The following UGT1A9 variants were observed in gnomAD, a reference collection of about 807,000 sequenced individuals.
UGT1A9 encodes UDP glucuronosyltransferase family 1 member A9.
In UGT1A9, 35 loss-of-function variants were observed where a neutral mutation model predicts 45.0. That is an observed-to-expected ratio of 0.78 (90% CI 0.59 to 1.03). UGT1A9 has a LOEUF of 1.03. UGT1A9 is among the 50% of genes least tolerant of loss of function. The probability of loss-of-function intolerance (pLI) is 0.00; values close to 1 mark genes in which losing one functional copy is unlikely to be tolerated. For synonymous variants in UGT1A9, 278 were observed against 250.6 expected, an observed-to-expected ratio of 1.11 and a Z score of -1.03; for missense variants, 687 against 666.6, an observed-to-expected ratio of 1.03 and a Z score of -0.34.
chr2:233,771,986 A>T (rs897905900), intron 4 of UGT1A9, among the ~76,000 whole-genome samples: 3 of 152,212 alleles, frequency 2.0e-5, no homozygotes, highest in African/African-American at 7.2e-5. Context: ...ATAGTGGTGC[A>T]TGACTAATTC....
At chr2:233,768,524 T>C (rs1008769562) in intron 4 of UGT1A9, 85 bp downstream of exon 4, 5 of 1,531,904 alleles carry the variant, frequency 3.3e-6, no homozygotes, top group Non-Finnish European at 4.4e-6. Context: ...ACGTAGCATT[T>C]AATAGCGTTG....
intron 1 of UGT1A9, among the ~76,000 whole-genome samples, chr2:233,712,452 G>C (rs1320297061): frequency 1.3e-5 from 2 of 152,216 alleles, no homozygotes; most frequent in African/African-American, 2.4e-5. Flanking sequence ...ACCAAAACCA[G>C]ATAGCCAGCC....
intron 1 of UGT1A9, among the ~76,000 whole-genome samples, chr2:233,696,657 C>A (rs2125568532): frequency 6.6e-6 from 1 of 152,248 alleles, no homozygotes; most frequent in Admixed American, 6.5e-5. Context: ...ACTTCCAGTA[C>A]TATGAAGAAT....
chr2:233,733,312 C>T, intron 1 of UGT1A9, among the ~76,000 whole-genome samples: 1 of 152,116 alleles, frequency 6.6e-6, no homozygotes, highest in Non-Finnish European at 1.5e-5. Context: ...CTTTCTCTTG[C>T]CTGATTGCCC....
At chr2:233,694,310 T>G (rs891942975) in intron 1 of UGT1A9, among the ~76,000 whole-genome samples, 9 of 152,004 alleles carry the variant, frequency 5.9e-5, no homozygotes, top group African/African-American at 1.9e-4. Flanking sequence ...TTTTGTTTTT[T>G]TTTTTCCTTT....
intron 1 of UGT1A9, among the ~76,000 whole-genome samples, chr2:233,703,256 A>G (rs1298861474): frequency 6.6e-6 from 1 of 152,138 alleles, no homozygotes; most frequent in Non-Finnish European, 1.5e-5. Context: ...GTGTTCCCTT[A>G]TAATACTTTC....
intron 1 of UGT1A9, among the ~76,000 whole-genome samples, chr2:233,715,921 C>A (rs1424771340): frequency 2.6e-5 from 4 of 152,180 alleles, no homozygotes; most frequent in Admixed American, 6.5e-5. Flanking sequence ...TCATTGAGCT[C>A]AGGAGTTTCA....
In UGT1A9 at chr2:233,769,569, G is replaced by A; in HGVS notation, c.1295+1130G>A. ...TCAGGAAGACAGATGTGAAGAGCTG[G>A]AGCATGTTCAGATGAGAGGAGACGG... On this transcript the variant is annotated intron_variant, in intron 4 of 4. Transcript: ENST00000354728. The surrounding 1 kb of genome is among the most constrained non-coding windows in gnomAD (Gnocchi z 4.4). The A allele has an allele frequency of 1.2e-6, 2 of 1,612,870 alleles. No individual in the cohort carries two copies. The highest frequency in any genetic ancestry group is 2.2e-5 in the South Asian group (2 of 91,064).
chr2:233,713,466 G>A, intron 1 of UGT1A9: 1 of 1,614,064 alleles, frequency 6.2e-7, no homozygotes, highest in Non-Finnish European at 8.5e-7. Flanking sequence ...CCTCTGCGCG[G>A]CGGTGCTGGC....
rs1334751612 is a variant in UGT1A9, at chr2:233,749,282, GTAGT to G, written c.856-17749_856-17746del. Among the ~76,000 whole-genome samples the G allele has an allele frequency of 7.2e-5, 11 of 151,846 alleles. 1 individual carries two copies. Among genetic ancestry groups the G allele is most frequent in the African/African-American group, 1.7e-4 (7 of 41,140 alleles). On this transcript the variant is annotated intron_variant, in intron 1 of 4. Coordinates refer to ENST00000354728, the MANE Select transcript of UGT1A9 (RefSeq NM_021027.3). ...TTGGTGATTTTCTCCCTTATGCAGT[GTAGT>G]TATTCAATTATAAAATATGTGTTTA...
Position 233,673,230 on chromosome 2 carries a change from G to C in UGT1A9, c.855+441G>C, listed in dbSNP as rs773619117. ...TTTGTTAAAATAAAATCTAGTATTG[G>C]GCTGGACATATTCTTCTTTTCTTTG... On this transcript the variant is annotated intron_variant, in intron 1 of 4. Transcript: ENST00000354728. Among the ~76,000 whole-genome samples the C allele has an allele frequency of 3.3e-5, 5 of 151,878 alleles. No individual in the cohort carries two copies. In the South Asian group the frequency reaches 6.2e-4, roughly 19 times the overall value.
intron 1 of UGT1A9, among the ~76,000 whole-genome samples, chr2:233,680,261 A>G (rs895381633): frequency 2.0e-5 from 3 of 152,190 alleles, no homozygotes; most frequent in African/African-American, 7.2e-5. Flanking sequence ...AACATGATGA[A>G]AAATACAGTA....
At chr2:233,680,162 T>C (rs2074477219) in intron 1 of UGT1A9, among the ~76,000 whole-genome samples, 1 of 152,188 alleles carries the variant, frequency 6.6e-6, no homozygotes, top group African/African-American at 2.4e-5. Flanking sequence ...AATGTCATGA[T>C]TTTTCTTTGC....
intron 1 of UGT1A9, among the ~76,000 whole-genome samples, chr2:233,726,736 G>A (rs531749888): frequency 1.4e-4 from 22 of 152,274 alleles, no homozygotes; most frequent in African/African-American, 3.9e-4. Context: ...ATACTTTTGT[G>A]GGGCTGTGAT....
intron 1 of UGT1A9, among the ~76,000 whole-genome samples, chr2:233,722,845 CT>C (rs61550889): frequency 0.025 from 3,404 of 135,242 alleles, 237 homozygotes; most frequent in African/African-American, 0.08. Context: ...AAGAATGTTT[CT>C]TTTTTTTTTT....
chr2:233,697,226 G>C (rs2075381121), intron 1 of UGT1A9, among the ~76,000 whole-genome samples: 1 of 152,028 alleles, frequency 6.6e-6, no homozygotes, highest in Non-Finnish European at 1.5e-5. Flanking sequence ...TCTTTGATGA[G>C]AGACTTTTTA....
rs766058550 is a variant in UGT1A9, at chr2:233,767,176, T to C, written c.987+11T>C. 2 of 1,614,040 alleles carry C rather than the reference T, an allele frequency of 1.2e-6. No individual in the cohort carries two copies. Among genetic ancestry groups the C allele is most frequent in the Admixed American group, 1.7e-5 (1 of 60,022 alleles). Reference sequence around the variant, plus strand: ...AAAATCCCTCAGACAGTAAGAAGATTCTATACCATGGCCTCATATCTATTT... The same window carrying C: ...AAAATCCCTCAGACAGTAAGAAGATCCTATACCATGGCCTCATATCTATTT... On this transcript the variant is annotated intron_variant, in intron 2 of 4. Coordinates refer to ENST00000354728, the MANE Select transcript of UGT1A9 (RefSeq NM_021027.3).
In UGT1A9 at chr2:233,696,102, C is replaced by T. The variant is rs1474928596; in HGVS notation, c.855+23313C>T. On this transcript the variant is annotated intron_variant, in intron 1 of 4. Coordinates refer to ENST00000354728, the MANE Select transcript of UGT1A9 (RefSeq NM_021027.3). ...AGTATGGAGAGTCTTCAAAACAAAACAAAACAAAAAGAACTAGAACTGCCC... is the reference window on the plus strand; with the variant it reads ...AGTATGGAGAGTCTTCAAAACAAAATAAAACAAAAAGAACTAGAACTGCCC... Among the ~76,000 whole-genome samples, 3 of 152,080 alleles carry T rather than the reference C, an allele frequency of 2.0e-5. No individual in the cohort carries two copies. The East Asian group carries it at 5.8e-4, about 29-fold the overall frequency.
At chr2:233,721,697 G>A (rs1469805668) in intron 1 of UGT1A9, 9 of 355,958 alleles carry the variant, frequency 2.5e-5, no homozygotes, top group Admixed American at 6.5e-5. Flanking sequence ...CAAGACGCAT[G>A]GCTCATCTTG....
Sources: allele counts gnomAD v4.1 joint callset (sites outside exome capture counted in the v4.1 genomes callset), GRCh38; gene constraint gnomAD v4.1.1; non-coding constraint Gnocchi (gnomAD v3.1); transcripts MANE v1.5; gene names NCBI Gene and HGNC (gene_info 2026-07-23, HGNC 2026-07-21).